Variants in OR52N4 observed in about 807,000 individuals in gnomAD.
OR52N4 encodes the protein olfactory receptor family 52 subfamily N member 4, also known as olfactory receptor 52N4.
A neutral mutation model predicts 15.0 loss-of-function variants in OR52N4; 15 were observed. The observed-to-expected ratio is 1.00, with a 90% confidence interval of 0.67 to 1.54. OR52N4 has a LOEUF of 1.54. Among genes scored for constraint, OR52N4 ranks in the 40% most tolerant of loss-of-function variants. The pLI, the probability that OR52N4 is intolerant of heterozygous loss-of-function variation, is 0.00. For synonymous variants in OR52N4, 143 were observed against 143.7 expected, an observed-to-expected ratio of 1.00 and a Z score of 0.03; for missense variants, 421 against 394.0, an observed-to-expected ratio of 1.07 and a Z score of -0.58.
chr11:5,744,386 C>G, the OR52N4 span, among the ~76,000 whole-genome samples: 4 of 152,116 alleles, frequency 2.6e-5, no homozygotes, highest in African/African-American at 9.7e-5. Context: ...ATTCCAAAGC[C>G]GGGTAAGGAC....
the OR52N4 span, among the ~76,000 whole-genome samples, chr11:5,730,418 T>C: frequency 3.3e-5 from 5 of 151,688 alleles, no homozygotes; most frequent in African/African-American, 9.7e-5. Flanking sequence ...GTCTCGATCT[T>C]CTGACCTCGT....
the OR52N4 span, among the ~76,000 whole-genome samples, chr11:5,729,938 G>A: frequency 6.6e-6 from 1 of 151,976 alleles, no homozygotes; most frequent in African/African-American, 2.4e-5. Flanking sequence ...ATGCCTTTGG[G>A]ATCCCAGACT....
chr11:5,736,723 T>A, the OR52N4 span: 2 of 1,614,034 alleles, frequency 1.2e-6, no homozygotes, highest in Non-Finnish European at 1.7e-6. Flanking sequence ...AGCCCATGTA[T>A]ATTTTCCTTG....
the OR52N4 span, chr11:5,736,791 C>T: frequency 1.2e-5 from 20 of 1,613,902 alleles, no homozygotes; most frequent in Non-Finnish European, 1.7e-5. Flanking sequence ...AAGATCCTGG[C>T]CATCTTCTGG....
At chr11:5,748,766 A>C in the OR52N4 span, among the ~76,000 whole-genome samples, 1 of 152,044 alleles carries the variant, frequency 6.6e-6, no homozygotes, top group Non-Finnish European at 1.5e-5. Context: ...TCTTTCCCAT[A>C]GGGTAGTGGA....
the OR52N4 span, chr11:5,736,541 A>G: frequency 6.2e-7 from 1 of 1,613,624 alleles, no homozygotes; most frequent in Admixed American, 1.7e-5. Flanking sequence ...TGCATCTCTC[A>G]AAATCTCCAA....
chr11:5,734,260 T>G, the OR52N4 span: 1 of 453,154 alleles, frequency 2.2e-6, no homozygotes, highest in Middle Eastern at 3.3e-4. Flanking sequence ...CTTCTCATGG[T>G]CACTTTGGCT....
At chr11:5,733,879 G>T in the OR52N4 span, among the ~76,000 whole-genome samples, 1 of 152,116 alleles carries the variant, frequency 6.6e-6, no homozygotes, top group African/African-American at 2.4e-5. Context: ...GGTCCATTTT[G>T]ATTTAATAAA....
the OR52N4 span, among the ~76,000 whole-genome samples, chr11:5,731,464 G>A: frequency 1.1e-4 from 16 of 152,258 alleles, no homozygotes; most frequent in Admixed American, 4.6e-4. Flanking sequence ...TGTTGTGTAC[G>A]TCTCAGAATT....
chr11:5,739,715 G>C, the OR52N4 span, among the ~76,000 whole-genome samples: 1 of 127,926 alleles, frequency 7.8e-6, no homozygotes, highest in Non-Finnish European at 1.7e-5. Flanking sequence ...TCCCTTCAAG[G>C]GAACCTGATA....
At chr11:5,748,757 C>A in the OR52N4 span, among the ~76,000 whole-genome samples, 2 of 151,970 alleles carry the variant, frequency 1.3e-5, no homozygotes, top group Non-Finnish European at 2.9e-5. Flanking sequence ...CTTTTGATAT[C>A]TTTCCCATAG....
At chr11:5,737,180 CTTA>C in the OR52N4 span, 5 of 1,613,960 alleles carry the variant, frequency 3.1e-6, no homozygotes, top group Non-Finnish European at 3.4e-6. Flanking sequence ...TGATCTAAGT[CTTA>C]TTATACTGTC....
chr11:5,732,180 C>T, the OR52N4 span, among the ~76,000 whole-genome samples: 10 of 152,166 alleles, frequency 6.6e-5, no homozygotes, highest in African/African-American at 1.9e-4. Context: ...TCAACATCTC[C>T]GCATCCCCCA....
At chr11:5,751,006 G>A (rs375587812), upstream of OR52N4, among the ~76,000 whole-genome samples, 24 of 151,824 alleles carry the variant, frequency 1.6e-4, 1 homozygote, top group East Asian at 1.4e-3. Context: ...AGTGCTTTTC[G>A]TTATTTGTGT....
chr11:5,734,052 T>A, the OR52N4 span: 1 of 409,374 alleles, frequency 2.4e-6, no homozygotes, highest in East Asian at 7.2e-5. Flanking sequence ...TATGCTTAGG[T>A]CACTGAGCTG....
chr11:5,751,491 G>C (rs1275077972), upstream of OR52N4, among the ~76,000 whole-genome samples: 3 of 151,550 alleles, frequency 2.0e-5, no homozygotes, highest in Admixed American at 6.6e-5. Context: ...TACATTCCAA[G>C]TAATATTAGG....
At chr11:5,742,249 A>G in the OR52N4 span, among the ~76,000 whole-genome samples, 2 of 152,130 alleles carry the variant, frequency 1.3e-5, no homozygotes, top group Non-Finnish European at 2.9e-5. Context: ...CCTCTGAGGT[A>G]TAGGCATTCC....
the OR52N4 span, among the ~76,000 whole-genome samples, chr11:5,746,517 C>G: frequency 4.6e-5 from 7 of 151,938 alleles, no homozygotes; most frequent in African/African-American, 1.7e-4. Flanking sequence ...TCTTTCTTTT[C>G]AAAAGAAAAT....
the OR52N4 span, chr11:5,736,469 T>C: frequency 1.9e-6 from 3 of 1,563,956 alleles, no homozygotes; most frequent in Middle Eastern, 1.7e-4. Flanking sequence ...TTCCAACCTG[T>C]GATAACTGAG....
Sources: gnomAD v4.1 joint callset for allele counts (sites outside exome capture counted in the v4.1 genomes callset) on GRCh38, gnomAD v4.1.1 for gene constraint, MANE v1.5 for transcripts, NCBI Gene and HGNC (gene_info 2026-07-23, HGNC 2026-07-21) for gene names.